Variants in ANKRD31 observed in about 807,000 individuals in gnomAD.
ANKRD31 encodes the protein ankyrin repeat domain 31, also known as ankyrin repeat domain-containing protein 31.
A neutral mutation model predicts 186.0 loss-of-function variants in ANKRD31; 147 were observed. The ratio of observed to expected loss-of-function variants is 0.79; its 90% CI spans 0.69 to 0.91. The LOEUF is 0.91. Ranked by LOEUF, ANKRD31 falls within the 40% of genes least tolerant of loss-of-function variation. The pLI, the probability that ANKRD31 is intolerant of heterozygous loss-of-function variation, is 0.00. For missense variants in ANKRD31, 1,986 were observed against 2,148.8 expected (o/e 0.92, Z 1.50); for synonymous variants, 673 against 736.4 (o/e 0.91, Z 1.39).
At chr5:75,087,264 C>A (rs1222683612) in intron 23 of ANKRD31, among the ~76,000 whole-genome samples, 1 of 152,138 alleles carries the variant, frequency 6.6e-6, no homozygotes, top group African/African-American at 2.4e-5. Context: ...GTAACCCCAG[C>A]ACTTTGGGAG....
At chr5:75,167,403 A>G (rs573949662) in intron 11 of ANKRD31, among the ~76,000 whole-genome samples, 1 of 152,218 alleles carries the variant, frequency 6.6e-6, no homozygotes, top group Non-Finnish European at 1.5e-5. Flanking sequence ...CAGCAATCCA[A>G]TACCCAGGGC....
intron 1 of ANKRD31, among the ~76,000 whole-genome samples, chr5:75,231,944 CACACAA>C (rs1757978913): frequency 7.2e-6 from 1 of 138,440 alleles, no homozygotes; most frequent in East Asian, 2.1e-4. Context: ...CACACACACA[CACACAA>C]CTTTCTAATA....
chr5:75,188,460 T>C (rs922588681), intron 10 of ANKRD31, 33 bp downstream of exon 10: 3 of 1,521,476 alleles, frequency 2.0e-6, no homozygotes, highest in Admixed American at 2.0e-5. Context: ...CAAACCACTC[T>C]TAAGGTAACT....
intron 4 of ANKRD31, among the ~76,000 whole-genome samples, chr5:75,207,743 A>G (rs1330485238): frequency 2.0e-5 from 3 of 152,096 alleles, no homozygotes; most frequent in African/African-American, 7.2e-5. Flanking sequence ...AACGTACCAA[A>G]ATGTTAACAA....
At chr5:75,114,993 C>T (rs1161858690) in intron 19 of ANKRD31, among the ~76,000 whole-genome samples, 1 of 152,162 alleles carries the variant, frequency 6.6e-6, no homozygotes, top group Non-Finnish European at 1.5e-5. Context: ...CATCACACTA[C>T]CTGACTTCAA....
chr5:75,224,178 T>TATATATAC (rs1341100904), intron 2 of ANKRD31, among the ~76,000 whole-genome samples: 78 of 124,420 alleles, frequency 6.3e-4, no homozygotes, highest in South Asian at 1.0e-3. Flanking sequence ...TATATATATA[T>TATATATAC]ACACACATTT....
At chr5:75,089,889 C>T (rs1745800902) in intron 23 of ANKRD31, among the ~76,000 whole-genome samples, 1 of 152,110 alleles carries the variant, frequency 6.6e-6, no homozygotes, top group Non-Finnish European at 1.5e-5. Flanking sequence ...GGCATTAGTA[C>T]AGAGTAAGGG....
intron 22 of ANKRD31, among the ~76,000 whole-genome samples, chr5:75,095,080 G>A (rs1039926194): frequency 6.6e-6 from 1 of 152,156 alleles, no homozygotes; most frequent in Non-Finnish European, 1.5e-5. Flanking sequence ...TAGTTCAACA[G>A]TAAAATACTT....
chr5:75,209,031 C>T (rs1180798659), intron 4 of ANKRD31, among the ~76,000 whole-genome samples: 2 of 152,106 alleles, frequency 1.3e-5, no homozygotes, highest in African/African-American at 4.8e-5. Context: ...CCCCTCTACC[C>T]CTAAAATATT....
chr5:75,095,793 T>A (rs78652965), intron 22 of ANKRD31, among the ~76,000 whole-genome samples: 26,123 of 152,118 alleles, frequency 0.17, 2,435 homozygotes, highest in South Asian at 0.38. Context: ...TAAATTAAAC[T>A]TTATCATGGG....
At chr5:75,188,456 A>T in intron 10 of ANKRD31, 37 bp downstream of exon 10, 7 of 1,507,940 alleles carry the variant, frequency 4.6e-6, no homozygotes, top group Non-Finnish European at 6.2e-6. Context: ...ACTACAAACC[A>T]CTCTTAAGGT....
Position 75,080,571 on chromosome 5 carries a change from G to A in ANKRD31, c.5644C>T (p.Gln1882Ter), listed in dbSNP as rs149690398. 3 of 1,511,138 alleles carry A rather than the reference G, an allele frequency of 2.0e-6. No homozygotes were observed. The highest frequency in any genetic ancestry group is 2.6e-6 in the Non-Finnish European group (3 of 1,133,326). 93.6% of individuals were successfully genotyped at this position (1,511,138 alleles called of 1,614,324 possible). ...GAATATTTTCTTTTTTTTTTACCTT[G>A]TCCAAATTTTGTTTTCTCAAACATT... Reference protein sequence around the residue: ...KSMFEKTKFGQGTSRESMQSS... With the variant: ...KSMFEKTKFG Residue 1882 changes from glutamine to a stop codon, truncating the protein, a stop_gained, in exon 25 of 26, where the codon CAA becomes TAA. Transcript: ENST00000506364. LOFTEE classifies it high-confidence loss of function.
chr5:75,086,837 G>C (rs1745524135), intron 23 of ANKRD31, among the ~76,000 whole-genome samples: 1 of 152,164 alleles, frequency 6.6e-6, no homozygotes, highest in Non-Finnish European at 1.5e-5. Context: ...TATCATACTA[G>C]GGAAAAAGTA....
At chr5:75,166,652 G>T (rs1252903726) in intron 11 of ANKRD31, among the ~76,000 whole-genome samples, 1 of 152,024 alleles carries the variant, frequency 6.6e-6, no homozygotes, top group Non-Finnish European at 1.5e-5. Context: ...TAAAAACTTT[G>T]TTAAAGTTTT....
At chr5:75,114,297 G>C (rs2150074721) in intron 19 of ANKRD31, among the ~76,000 whole-genome samples, 1 of 152,230 alleles carries the variant, frequency 6.6e-6, no homozygotes, top group Admixed American at 6.5e-5. Flanking sequence ...TTATGGAAGT[G>C]AGTGAAGACA....
intron 4 of ANKRD31, among the ~76,000 whole-genome samples, chr5:75,208,303 GAAAATAATACCCC>G (rs1756383822): frequency 6.6e-6 from 1 of 152,048 alleles, no homozygotes; most frequent in Non-Finnish European, 1.5e-5. Context: ...CTTGGGTACA[GAAAATAATACCCC>G]AAAATACGAC....
chr5:75,107,670 T>A (rs1747439725), intron 20 of ANKRD31, 53 bp from the exon 21 acceptor site: 4 of 1,153,184 alleles, frequency 3.5e-6, no homozygotes, highest in Non-Finnish European at 4.9e-6. Flanking sequence ...GAATGTCAAA[T>A]TTGGTCATAC....
Position 75,147,238 on chromosome 5 carries a change from G to A in ANKRD31, c.2173C>T (p.Pro725Ser), listed in dbSNP as rs200736771. 738 of 1,536,120 alleles carry A rather than the reference G, an allele frequency of 4.8e-4. 1 individual carries two copies. Among genetic ancestry groups the A allele is most frequent in the Admixed American group, 6.5e-4 (33 of 50,892 alleles). The change falls in exon 14 of 26, where the codon CCA becomes TCA. Residue 725 changes from proline (P) to serine (S), a missense_variant. Pro to Ser is a moderately conservative substitution (Grantham distance 74). Coordinates refer to ENST00000506364, the MANE Select transcript of ANKRD31 (RefSeq NM_001372053.1). ...GTTTTTCTTCTTCCTATACCTTTTGGTACGTTTGTGTTGGGATCTTTGACG... is the reference window on the plus strand; with the variant it reads ...GTTTTTCTTCTTCCTATACCTTTTGATACGTTTGTGTTGGGATCTTTGACG... ...HNVKDPNTNV[P>S]KGIGRRKTQH...
chr5:75,198,795 A>G (rs985576941), intron 6 of ANKRD31, among the ~76,000 whole-genome samples: 2 of 152,210 alleles, frequency 1.3e-5, no homozygotes, highest in Non-Finnish European at 2.9e-5. Context: ...GGTGCCAGAC[A>G]TCATGAACCA....
Sources: gnomAD v4.1 joint callset for allele counts (sites outside exome capture counted in the v4.1 genomes callset) on GRCh38, gnomAD v4.1.1 for gene constraint, MANE v1.5 for transcripts, NCBI Gene and HGNC (gene_info 2026-07-23, HGNC 2026-07-21) for gene names.